SYNJ2: variants seen among roughly 807,000 people sequenced by gnomAD.
The protein encoded by SYNJ2 is synaptojanin 2, also known as polyphosphatidylinositol phosphatase SYNJ2.
Under a neutral mutation model 141.3 loss-of-function variants are expected in SYNJ2, and 116 were observed. The observed-to-expected ratio is 0.82, with a 90% CI of 0.71 to 0.96. SYNJ2 has a LOEUF of 0.96. SYNJ2 is among the 40% of genes least tolerant of loss of function. The probability of loss-of-function intolerance (pLI) is 0.00; values close to 1 mark genes in which losing one functional copy is unlikely to be tolerated. For missense variants in SYNJ2, 1,873 were observed against 1,934.8 expected (o/e 0.97, Z 0.60); for synonymous variants, 745 against 777.7 (o/e 0.96, Z 0.70).
rs952097538 is a variant in SYNJ2, at chr6:158,071,958, G to C, written c.2133+164G>C. 6.6e-6 allele frequency among the ~76,000 whole-genome samples: 1 copy of C among 152,198 alleles called. No individual in the cohort carries two copies. The highest frequency in any genetic ancestry group is 2.4e-5 in the African/African-American group (1 of 41,450). ...GAGGGCTATGTCCCTCCATGGAATT[G>C]ACCTGGGGCAGGGTTAGCCACGTGC... On this transcript the variant is annotated intron_variant, in intron 15 of 26. Coordinates refer to ENST00000355585, the MANE Select transcript of SYNJ2 (RefSeq NM_003898.4). The surrounding 1 kb of genome is among the most constrained non-coding windows in gnomAD (Gnocchi z 4.3).
intron 1 of SYNJ2, among the ~76,000 whole-genome samples, chr6:157,984,711 G>A (rs1170103828): frequency 6.6e-6 from 1 of 152,224 alleles, no homozygotes; most frequent in Non-Finnish European, 1.5e-5. Flanking sequence ...ACCCGAGAAG[G>A]TGAATTTTTA....
rs1783756565 is a variant in SYNJ2, at chr6:158,095,712, C to T, written c.3839C>T (p.Ala1280Val). The T allele has an allele frequency of 3.1e-6, 5 of 1,614,220 alleles. No individual in the cohort carries two copies. The highest frequency in any genetic ancestry group is 4.2e-6 in the Non-Finnish European group (5 of 1,180,044). Residue 1280 changes from alanine to valine, a missense_variant, in exon 27 of 27, where the codon GCC (alanine) becomes GTC (valine). By Grantham distance (64) the Ala-to-Val change is moderately conservative. Coordinates refer to ENST00000355585, the MANE Select transcript of SYNJ2 (RefSeq NM_003898.4). ...TSVEAPPVVT[A>V]PRVPPVPKPR... The stretch of plus-strand genomic sequence containing the variant: ...GTTGAGGCCCCTCCTGTCGTGACAG[C>T]CCCTCGAGTCCCTCCTGTTCCCAAA...
chr6:158,053,300 A>C (rs1259413468), intron 5 of SYNJ2, among the ~76,000 whole-genome samples: 3 of 152,166 alleles, frequency 2.0e-5, no homozygotes, highest in Admixed American at 6.5e-5. Context: ...CCTTCCAACT[A>C]ATCAGCAATC....
Position 158,095,889 on chromosome 6 carries a change from C to T in SYNJ2, c.4016C>T (p.Ser1339Leu). The T allele has an allele frequency of 6.2e-7, 1 of 1,614,126 alleles. No homozygotes were observed. Among genetic ancestry groups the T allele is most frequent in the Admixed American group, 1.7e-5 (1 of 60,034 alleles). ...AAGGTACCCCCGAGGAGGAAGAAGT[C>T]AGCCCCCGCAGCCTTCCACCTGCAG... ...VPKVPPRRKK[S>L]APAAFHLQVL... The change falls in exon 27 of 27, where the codon TCA (serine) becomes TTA (leucine). Residue 1339 changes from serine to leucine, a missense_variant. Coordinates refer to ENST00000355585, the MANE Select transcript of SYNJ2 (RefSeq NM_003898.4).
At chr6:157,992,217 CTTTTAT>C (rs1777467041) in intron 1 of SYNJ2, among the ~76,000 whole-genome samples, 1 of 151,938 alleles carries the variant, frequency 6.6e-6, no homozygotes, top group Admixed American at 6.6e-5. Context: ...TTATTCATTC[CTTTTAT>C]TTTTATTTGT....
chr6:158,055,535 G>A (rs1045490974), intron 6 of SYNJ2, among the ~76,000 whole-genome samples: 5 of 150,426 alleles, frequency 3.3e-5, no homozygotes, highest in Admixed American at 6.7e-5. Flanking sequence ...GTGTGTGTGT[G>A]TATTTAAATA....
At chr6:158,069,722 C>T (rs1244840046) in intron 14 of SYNJ2, 49 bp downstream of exon 14, 1 of 1,545,646 alleles carries the variant, frequency 6.5e-7, no homozygotes, top group Non-Finnish European at 8.8e-7. Context: ...GGTTGTTAGT[C>T]TTTGTGTTTT....
At chr6:157,993,845 C>T (rs1351227367) in intron 1 of SYNJ2, among the ~76,000 whole-genome samples, 4 of 108,998 alleles carry the variant, frequency 3.7e-5, no homozygotes, top group Non-Finnish European at 3.4e-5. Flanking sequence ...GACGGAGTCT[C>T]GCTCTGTCTC....
chr6:158,092,161 T>C (rs999355192), intron 25 of SYNJ2, among the ~76,000 whole-genome samples: 6 of 152,046 alleles, frequency 3.9e-5, no homozygotes, highest in Non-Finnish European at 5.9e-5. Context: ...GTGTGAAATC[T>C]ACCTACAGTC....
intron 23 of SYNJ2, among the ~76,000 whole-genome samples, chr6:158,088,003 A>G (rs1783174897): frequency 3.1e-5 from 2 of 64,198 alleles, no homozygotes; most frequent in African/African-American, 1.0e-4. Context: ...GGCTGCAAGT[A>G]TATTTTAACA....
At chr6:158,045,000 CA>C (rs1379780801) in intron 5 of SYNJ2, among the ~76,000 whole-genome samples, 1 of 151,336 alleles carries the variant, frequency 6.6e-6, no homozygotes, top group East Asian at 1.9e-4. Flanking sequence ...GTAAGAAATC[CA>C]AAAATTAGGG....
Position 157,988,009 on chromosome 6 carries a change from A to T in SYNJ2, c.127+5921A>T, listed in dbSNP as rs548932608. 7.2e-5 allele frequency among the ~76,000 whole-genome samples: 11 copies of T among 152,336 alleles called. No homozygotes were observed. The East Asian group carries it at 2.1e-3, about 29-fold the overall frequency. ...CACTGCCTCTAGCCCCGGGCAAGAG[A>T]GGGCCGAGGGCCATGTCCAGTGGCC... On this transcript the variant is annotated intron_variant, in intron 1 of 26. Transcript: ENST00000355585.
rs1253393663 is a variant in SYNJ2 at position 158,043,657 on chromosome 6, C to T, written c.795+258C>T. Among the ~76,000 whole-genome samples the T allele has an allele frequency of 3.3e-5, 5 of 152,172 alleles. No individual in the cohort carries two copies. The highest frequency in any genetic ancestry group is 5.9e-5 in the Non-Finnish European group (4 of 68,034). ...AGGATGCTGTGTGAAACCGCTGACT[C>T]GGGAACGGTGCTGCGGTGCCTGCTG... On this transcript the variant is annotated intron_variant, in intron 5 of 26. Coordinates refer to ENST00000355585, the MANE Select transcript of SYNJ2 (RefSeq NM_003898.4). This position sits in a 1 kb window ranked among gnomAD's most constrained non-coding sequence, Gnocchi z 4.0.
chr6:158,095,264 G>A (rs1305635514), intron 26 of SYNJ2, among the ~76,000 whole-genome samples: 2 of 152,140 alleles, frequency 1.3e-5, no homozygotes, highest in Non-Finnish European at 2.9e-5. Flanking sequence ...AGCCCAGGTT[G>A]CAACTTCAAA....
At chr6:158,011,109 C>A (rs1300148902) in intron 1 of SYNJ2, among the ~76,000 whole-genome samples, 1 of 150,906 alleles carries the variant, frequency 6.6e-6, no homozygotes, top group Non-Finnish European at 1.5e-5. Flanking sequence ...TTGGGGGACA[C>A]CACGCGGGGA....
intron 4 of SYNJ2, among the ~76,000 whole-genome samples, chr6:158,035,278 T>C (rs951991410): frequency 4.6e-5 from 7 of 152,208 alleles, no homozygotes; most frequent in African/African-American, 1.7e-4. Context: ...GGGCATTATG[T>C]CCATTTTAAT....
chr6:157,997,369 G>A (rs1777671849), intron 1 of SYNJ2, among the ~76,000 whole-genome samples: 1 of 152,176 alleles, frequency 6.6e-6, no homozygotes, highest in South Asian at 2.1e-4. Flanking sequence ...TTAATCCAAT[G>A]TGACTGGCGT....
intron 2 of SYNJ2, among the ~76,000 whole-genome samples, chr6:158,026,576 G>A (rs554600569): frequency 6.6e-6 from 1 of 152,232 alleles, no homozygotes; most frequent in Admixed American, 6.5e-5. Context: ...GCCTCTCCTG[G>A]CTGCTACAGT....
chr6:158,054,166 TATCCATCC>T (rs762905014), intron 5 of SYNJ2, among the ~76,000 whole-genome samples: 33 of 134,026 alleles, frequency 2.5e-4, no homozygotes, highest in South Asian at 2.0e-3. Context: ...TCCACTCAGC[TATCCATCC>T]ATCCATCCAT....
Sources: allele counts gnomAD v4.1 joint callset (sites outside exome capture counted in the v4.1 genomes callset), GRCh38; gene constraint gnomAD v4.1.1; non-coding constraint Gnocchi (gnomAD v3.1); transcripts MANE v1.5; gene names NCBI Gene and HGNC (gene_info 2026-07-23, HGNC 2026-07-21).